The following FRMD5 variants were observed in gnomAD, a reference collection of about 807,000 sequenced individuals.
FRMD5 encodes FERM domain containing 5.
Under a neutral mutation model 69.0 loss-of-function variants are expected in FRMD5, and 20 were observed. The ratio of observed to expected loss-of-function variants is 0.29; its 90% CI spans 0.20 to 0.42. The LOEUF (loss-of-function observed/expected upper bound fraction) is 0.42. Ranked by LOEUF, FRMD5 falls within the 10% of genes least tolerant of loss-of-function variation. The pLI is 1.00. For missense variants in FRMD5, 595 were observed against 708.6 expected, an observed-to-expected ratio of 0.84 and a Z score of 1.82; for synonymous variants, 271 against 260.1, an observed-to-expected ratio of 1.04 and a Z score of -0.40.
chr15:43,874,660 G>T (rs977039249), intron 13 of FRMD5, among the ~76,000 whole-genome samples, 198 bp from the exon 14 acceptor site: 4 of 152,158 alleles, frequency 2.6e-5, no homozygotes, highest in African/African-American at 9.7e-5. Flanking sequence ...AGCACTTTGG[G>T]AGGCCGAGAT....
At chr15:44,079,193 T>C (rs972865963) in intron 1 of FRMD5, among the ~76,000 whole-genome samples, 1 of 151,804 alleles carries the variant, frequency 6.6e-6, no homozygotes. Flanking sequence ...ATTAGGAAAA[T>C]GCAAATCAAA....
intron 1 of FRMD5, among the ~76,000 whole-genome samples, chr15:43,931,743 T>C (rs2089679939): frequency 6.6e-6 from 1 of 152,156 alleles, no homozygotes; most frequent in Admixed American, 6.5e-5. Flanking sequence ...CACAAAAAAA[T>C]TGTTTACTGG....
chr15:43,906,890 C>A (rs1051820583), intron 5 of FRMD5, among the ~76,000 whole-genome samples: 1 of 152,082 alleles, frequency 6.6e-6, no homozygotes. Context: ...CGTGAGCCAC[C>A]GCACCCGGCC....
chr15:43,914,005 G>A (rs1662887234), intron 4 of FRMD5, among the ~76,000 whole-genome samples: 1 of 152,198 alleles, frequency 6.6e-6, no homozygotes, highest in African/African-American at 2.4e-5. Context: ...TGGCCTCAGA[G>A]GGGCTTTACC....
At chr15:44,076,333 T>C (rs894807333) in intron 1 of FRMD5, among the ~76,000 whole-genome samples, 2 of 151,096 alleles carry the variant, frequency 1.3e-5, no homozygotes, top group Non-Finnish European at 2.9e-5. Context: ...CGTATGTTTA[T>C]TGTGGCATTA....
In FRMD5 at chr15:44,145,689, A is replaced by G. The variant is rs1189069496; in HGVS notation, c.102+49264T>C. ...TTGCTAGCATATTACTCACAGTTAC[A>G]ATTCTGATTACACACTAGCAGTCCA... On this transcript the variant is annotated intron_variant, in intron 1 of 13. Coordinates refer to ENST00000417257, the MANE Select transcript of FRMD5 (RefSeq NM_032892.5). Among the ~76,000 whole-genome samples, 4 of 152,190 alleles carry G rather than the reference A, an allele frequency of 2.6e-5. No individual in the cohort carries two copies. In the East Asian group the frequency reaches 7.7e-4, roughly 29 times the overall value.
At chr15:43,990,493 TAG>T (rs1889623794) in intron 1 of FRMD5, among the ~76,000 whole-genome samples, 2 of 152,238 alleles carry the variant, frequency 1.3e-5, no homozygotes, top group African/African-American at 4.8e-5. Flanking sequence ...CCAATAGAAA[TAG>T]AGTTTCAAAT....
At chr15:43,880,227 G>T (rs1271365005) in intron 13 of FRMD5, among the ~76,000 whole-genome samples, 1 of 152,234 alleles carries the variant, frequency 6.6e-6, no homozygotes, top group Non-Finnish European at 1.5e-5. Context: ...GGTAGTCTCT[G>T]TGATACTAAA....
At position 44,037,469 on chromosome 15, in the gene FRMD5, CTTTTTTTTT is replaced by C. The variant is rs777164587; in HGVS notation, c.103-113169_103-113161del. ...ACATACGTGTACATGTGTCTTTTCT[CTTTTTTTTT>C]TTTTTTTTGATATGGAGTCTTGCTC... On this transcript the variant is annotated intron_variant, in intron 1 of 13. Coordinates refer to ENST00000417257, the MANE Select transcript of FRMD5 (RefSeq NM_032892.5). Among the ~76,000 whole-genome samples the C allele has an allele frequency of 1.5e-4, 21 of 137,556 alleles. 1 individual carries two copies. Among genetic ancestry groups the C allele is most frequent in the Admixed American group, 1.3e-3 (18 of 13,740 alleles). The allele number at this position is 137,556 out of a possible 152,430, so 90.2% of individuals were successfully genotyped here.
intron 1 of FRMD5, among the ~76,000 whole-genome samples, chr15:44,048,311 T>G (rs1258547992): frequency 6.6e-6 from 1 of 152,162 alleles, no homozygotes; most frequent in Non-Finnish European, 1.5e-5. Context: ...TCCCTATGAC[T>G]AATGATGTGG....
At chr15:43,882,212 T>C (rs967679705) in intron 13 of FRMD5, among the ~76,000 whole-genome samples, 2 of 152,198 alleles carry the variant, frequency 1.3e-5, no homozygotes, top group African/African-American at 4.8e-5. Flanking sequence ...TGGCCTCAGC[T>C]ATTGGGGTAT....
intron 6 of FRMD5, among the ~76,000 whole-genome samples, chr15:43,903,501 A>T (rs2089096777): frequency 6.6e-6 from 1 of 152,248 alleles, no homozygotes; most frequent in Admixed American, 6.5e-5. Context: ...TCACAGTTGC[A>T]TAAAGGAAGC....
intron 1 of FRMD5, among the ~76,000 whole-genome samples, chr15:44,096,967 G>C (rs879676121): frequency 3.3e-5 from 5 of 152,100 alleles, no homozygotes; most frequent in African/African-American, 4.8e-5. Context: ...CAAAAAATGT[G>C]GGGTCTGCTT....
At chr15:43,989,693 G>A (rs1889575691) in intron 1 of FRMD5, 1 of 994,956 alleles carries the variant, frequency 1.0e-6, no homozygotes, top group African/African-American at 1.6e-5. Context: ...TTCATAGATG[G>A]GCACAGTGTG....
In FRMD5 at chr15:43,871,520, C is replaced by T. The variant is rs371321188; in HGVS notation, c.*2365G>A. ...ACAGTAGATACCAGGTGGACACCAGCCCCCTGTCTCCTGACAGCCTTTTCA... is the reference window on the plus strand; with the variant it reads ...ACAGTAGATACCAGGTGGACACCAGTCCCCTGTCTCCTGACAGCCTTTTCA... On this transcript the variant is annotated 3_prime_UTR_variant, in exon 14 of 14. Coordinates refer to ENST00000417257, the MANE Select transcript of FRMD5 (RefSeq NM_032892.5). 5 of 152,202 alleles carry T rather than the reference C, an allele frequency of 3.3e-5. No homozygotes were observed. The highest frequency in any genetic ancestry group is 3.8e-4 in the East Asian group (2 of 5,204). 9.4% of individuals were successfully genotyped at this position (152,202 alleles called of 1,614,324 possible).
In FRMD5 at chr15:44,041,185, C is replaced by T. The variant is rs527631867; in HGVS notation, c.103-116876G>A. Among the ~76,000 whole-genome samples the T allele has an allele frequency of 7.2e-5, 11 of 152,002 alleles. 1 individual carries two copies. The South Asian group carries it at 1.9e-3, about 26-fold the overall frequency. On this transcript the variant is annotated intron_variant, in intron 1 of 13. Transcript: ENST00000417257. ...ATACATGTACCCAATATAGGAGCAC[C>T]CAGGTTCATAAAGCAAAGTTCTTAC... is the stretch of plus-strand genomic sequence containing the variant.
At chr15:44,077,165 C>T (rs1294532471) in intron 1 of FRMD5, among the ~76,000 whole-genome samples, 4 of 152,092 alleles carry the variant, frequency 2.6e-5, no homozygotes, top group Non-Finnish European at 5.9e-5. Flanking sequence ...CAATGGGTAA[C>T]TGAATACATT....
chr15:44,160,044 T>G (rs1229690045), intron 1 of FRMD5, among the ~76,000 whole-genome samples: 1 of 152,196 alleles, frequency 6.6e-6, no homozygotes. Flanking sequence ...CTGCTGACAT[T>G]TAGTTCTCAT....
At chr15:43,989,453 G>T (rs774856934) in intron 1 of FRMD5, 4 of 800,452 alleles carry the variant, frequency 5.0e-6, no homozygotes, top group African/African-American at 1.7e-5. Flanking sequence ...TGACCTGGCC[G>T]TCGGGCAGCT....
Sources: allele counts gnomAD v4.1 joint callset (sites outside exome capture counted in the v4.1 genomes callset), GRCh38; gene constraint gnomAD v4.1.1; transcripts MANE v1.5; gene names NCBI Gene and HGNC (gene_info 2026-07-23, HGNC 2026-07-21).